The following C1orf185 variants were observed in gnomAD, a reference collection of about 807,000 sequenced individuals.
C1orf185 encodes uncharacterized protein C1orf185.
C1orf185 carries 13 observed loss-of-function variants against 16.1 expected under a neutral mutation model. That is an observed-to-expected ratio of 0.81 (90% CI 0.53 to 1.28). The LOEUF is 1.28. C1orf185 is among the 50% of genes most tolerant of loss of function. The probability of loss-of-function intolerance (pLI) is 0.00; values close to 1 mark genes in which losing one functional copy is unlikely to be tolerated. For synonymous variants in C1orf185, 80 were observed against 76.9 expected, an observed-to-expected ratio of 1.04 and a Z score of -0.21; for missense variants, 220 against 225.2, an observed-to-expected ratio of 0.98 and a Z score of 0.15.
At chr1:51,135,886 A>G (rs768070049) in intron 3 of C1orf185, among the ~76,000 whole-genome samples, 13 of 152,338 alleles carry the variant, frequency 8.5e-5, no homozygotes, top group Non-Finnish European at 1.3e-4. Flanking sequence ...TGCAGATGAC[A>G]TGCTCCACTA....
At chr1:51,141,769 A>G (rs1646366259) in intron 3 of C1orf185, among the ~76,000 whole-genome samples, 1 of 152,188 alleles carries the variant, frequency 6.6e-6, no homozygotes, top group South Asian at 2.1e-4. Flanking sequence ...ACTCTCTCAT[A>G]TTATTATAGC....
At chr1:51,107,949 T>C (rs573041424) in intron 1 of C1orf185, among the ~76,000 whole-genome samples, 1 of 152,264 alleles carries the variant, frequency 6.6e-6, no homozygotes, top group Non-Finnish European at 1.5e-5. Flanking sequence ...AGTGCTCCTA[T>C]AAATATTTTA....
chr1:51,146,327 C>T (rs745493041), intron 4 of C1orf185, among the ~76,000 whole-genome samples: 1 of 151,400 alleles, frequency 6.6e-6, no homozygotes, highest in Non-Finnish European at 1.5e-5. Flanking sequence ...GATGTGGTGG[C>T]GCAGGCCTGT....
chr1:51,133,868 A>T (rs745584631), intron 3 of C1orf185, among the ~76,000 whole-genome samples: 8 of 152,190 alleles, frequency 5.3e-5, no homozygotes, highest in Non-Finnish European at 8.8e-5. Context: ...GGGAGGCCAA[A>T]GCAGACAGTT....
At chr1:51,120,202 G>A (rs1342077762) in intron 3 of C1orf185, among the ~76,000 whole-genome samples, 1 of 152,152 alleles carries the variant, frequency 6.6e-6, no homozygotes, top group African/African-American at 2.4e-5. Flanking sequence ...GGATGAGATT[G>A]CGATGAGCCT....
intron 2 of C1orf185, among the ~76,000 whole-genome samples, chr1:51,115,913 A>C (rs1646154192): frequency 6.6e-6 from 1 of 152,166 alleles, no homozygotes. Flanking sequence ...AAAATGGCAG[A>C]GTTAATGCTG....
chr1:51,147,539 G>T lies in C1orf185; in HGVS notation c.368G>T (p.Ser123Ile). 6.4e-7 allele frequency: 1 copy of T among 1,551,482 alleles called. No individual in the cohort carries two copies. Among genetic ancestry groups the T allele is most frequent in the South Asian group, 1.2e-5 (1 of 84,008 alleles). ...ATCATTTGTGATCCCTCAGAGACCA[G>T]CTCCACAACAAATCGCAGCAGTGTT... The part of the protein sequence containing the change: ...KNIICDPSET[S>I]STTNRSSVTL... The change falls in exon 5 of 5, where the codon AGC (serine) becomes ATC (isoleucine). Residue 123 changes from serine to isoleucine, a missense_variant. By Grantham distance (142) the Ser-to-Ile change is moderately radical. Coordinates refer to ENST00000371759, the MANE Select transcript of C1orf185 (RefSeq NM_001136508.2).
At chr1:51,110,892 C>T (rs879457360) in intron 1 of C1orf185, among the ~76,000 whole-genome samples, 1 of 151,910 alleles carries the variant, frequency 6.6e-6, no homozygotes, top group Admixed American at 6.6e-5. Context: ...TCGCTTGAAC[C>T]CAGGAGTCGG....
chr1:51,147,337 A>G (rs1646406960), intron 4 of C1orf185, 130 bp from the exon 5 acceptor site: 2 of 763,354 alleles, frequency 2.6e-6, no homozygotes, highest in Non-Finnish European at 4.1e-6. Context: ...TCCTAATTAC[A>G]TATAACACTG....
At chr1:51,148,979 T>G (rs1646417485), downstream of C1orf185, among the ~76,000 whole-genome samples, 1 of 152,156 alleles carries the variant, frequency 6.6e-6, no homozygotes, top group Non-Finnish European at 1.5e-5. Context: ...CTATCTCTAT[T>G]TCTCAGAATG....
In C1orf185 at chr1:51,144,387, T is replaced by G. The variant is rs557269228; in HGVS notation, c.259-1337T>G. 8.5e-5 allele frequency among the ~76,000 whole-genome samples: 13 copies of G among 152,328 alleles called. No individual in the cohort carries two copies. The South Asian group carries it at 2.5e-3, about 29-fold the overall frequency. On this transcript the variant is annotated intron_variant, in intron 3 of 4. Coordinates refer to ENST00000371759, the MANE Select transcript of C1orf185 (RefSeq NM_001136508.2). Reference sequence around the variant, plus strand: ...AGGCCAGGAAGCCCATACTGGCATTTGTTAATAAAAGGTGAAAGTGACAAA... The same window carrying G: ...AGGCCAGGAAGCCCATACTGGCATTGGTTAATAAAAGGTGAAAGTGACAAA...
chr1:51,128,090 TG>T (rs1456602906), intron 3 of C1orf185, among the ~76,000 whole-genome samples: 11 of 151,846 alleles, frequency 7.2e-5, no homozygotes, highest in Admixed American at 1.3e-4. Flanking sequence ...GGTTTCACCA[TG>T]TTGACCAGGC....
chr1:51,139,073 C>T (rs1269128210), intron 3 of C1orf185, among the ~76,000 whole-genome samples: 2 of 151,936 alleles, frequency 1.3e-5, no homozygotes, highest in African/African-American at 2.4e-5. Flanking sequence ...TGAATGAAAT[C>T]AGCCTCAAAT....
chr1:51,112,399 A>G (rs1377097973), intron 1 of C1orf185, 65 bp from the exon 2 acceptor site: 1 of 1,292,558 alleles, frequency 7.7e-7, no homozygotes, highest in Non-Finnish European at 1.1e-6. Context: ...GAAGTTTATC[A>G]TTCAGTTTTA....
chr1:51,117,542 C>G (rs1646166350), intron 2 of C1orf185, among the ~76,000 whole-genome samples: 1 of 152,144 alleles, frequency 6.6e-6, no homozygotes, highest in African/African-American at 2.4e-5. Context: ...CTCCTGGCAA[C>G]CAGTGATCCT....
At chr1:51,135,210 A>ATG (rs2148027103) in intron 3 of C1orf185, among the ~76,000 whole-genome samples, 2 of 152,290 alleles carry the variant, frequency 1.3e-5, no homozygotes, top group East Asian at 3.9e-4. Flanking sequence ...AAATCAATAA[A>ATG]TGTGATTCAT....
chr1:51,141,514 T>G (rs1270579049), intron 3 of C1orf185, among the ~76,000 whole-genome samples: 1 of 152,000 alleles, frequency 6.6e-6, no homozygotes, highest in Non-Finnish European at 1.5e-5. Flanking sequence ...AAAAATCAAG[T>G]ACTTATAATT....
downstream of C1orf185, among the ~76,000 whole-genome samples, chr1:51,149,451 C>A (rs545133624): frequency 1.8e-4 from 27 of 152,162 alleles, no homozygotes; most frequent in Non-Finnish European, 4.0e-4. Flanking sequence ...CTATTGCTAT[C>A]CTCACCTAAA....
At chr1:51,130,020 G>C (rs954709228) in intron 3 of C1orf185, among the ~76,000 whole-genome samples, 5 of 152,132 alleles carry the variant, frequency 3.3e-5, no homozygotes, top group African/African-American at 7.2e-5. Flanking sequence ...TTTCATGGCT[G>C]AGTAGTATAA....
Sources: gnomAD v4.1 joint callset for allele counts (sites outside exome capture counted in the v4.1 genomes callset) on GRCh38, gnomAD v4.1.1 for gene constraint, MANE v1.5 for transcripts, NCBI Gene and HGNC (gene_info 2026-07-23, HGNC 2026-07-21) for gene names.